EIF3F: variants seen among roughly 807,000 people sequenced by gnomAD.
The protein encoded by EIF3F is eukaryotic translation initiation factor 3 subunit F.
Under a neutral mutation model 36.0 loss-of-function variants are expected in EIF3F, and 8 were observed. The observed-to-expected ratio is 0.22, with a 90% confidence interval of 0.13 to 0.40. EIF3F has a LOEUF of 0.40. Among genes scored for constraint, EIF3F ranks in the 10% least tolerant of loss-of-function variants. The pLI is 1.00. For synonymous variants in EIF3F, 184 were observed against 188.5 expected, an observed-to-expected ratio of 0.98 and a Z score of 0.19; for missense variants, 430 against 467.6, an observed-to-expected ratio of 0.92 and a Z score of 0.74.
At chr11:7,994,229 A>C (rs1314523453) in intron 4 of EIF3F, among the ~76,000 whole-genome samples, 197 bp from the exon 5 acceptor site, 1 of 152,156 alleles carries the variant, frequency 6.6e-6, no homozygotes, top group East Asian at 1.9e-4. Flanking sequence ...CTTACAGATC[A>C]AGGGTTTGGT....
At position 8,000,404 on chromosome 11, in the gene EIF3F, G is replaced by C. The variant is rs116797622; in HGVS notation, c.*4382G>C. 2 of 151,906 alleles carry C rather than the reference G, an allele frequency of 1.3e-5. No homozygotes were observed. Among genetic ancestry groups the C allele is most frequent in the Non-Finnish European group, 1.5e-5 (1 of 67,990 alleles). 9.4% of individuals were successfully genotyped at this position (151,906 alleles called of 1,614,324 possible). On this transcript the variant is annotated 3_prime_UTR_variant, in exon 8 of 8. Coordinates refer to ENST00000651655, the MANE Select transcript of EIF3F (RefSeq NM_003754.3). ...AGGTGGTTTCATGGACTGGAGGGAG[G>C]GGATAAATGGGGAGATGTTGGTCAA...
chr11:7,987,392 A>C lies in EIF3F; in HGVS notation c.40A>C (p.Thr14Pro), dbSNP rs1353638614. 1 of 1,599,394 alleles carries C rather than the reference A, an allele frequency of 6.3e-7. No homozygotes were observed. Among genetic ancestry groups the C allele is most frequent in the South Asian group, 1.1e-5 (1 of 90,900 alleles). The change falls in exon 1 of 8, where the codon ACG becomes CCG. Residue 14 changes from threonine (T) to proline (P), a missense_variant. Coordinates refer to ENST00000651655, the MANE Select transcript of EIF3F (RefSeq NM_003754.3). ...PAVPVSAPPA[T>P]PTPVPAAAPA... Reference sequence around the variant, plus strand: ...GGTACCAGTAAGTGCTCCTCCGGCCACGCCAACCCCAGTCCCGGCGGCGGC... The same window carrying C: ...GGTACCAGTAAGTGCTCCTCCGGCCCCGCCAACCCCAGTCCCGGCGGCGGC...
In EIF3F at chr11:7,997,073, A is replaced by G. The variant is rs1363506657; in HGVS notation, c.*1051A>G. ...AAAGGTGAATAGTTTGAAAGTAATA[A>G]GCAACATGAACCCCAGCCTGGAACT... On this transcript the variant is annotated 3_prime_UTR_variant, in exon 8 of 8. Transcript: ENST00000651655. 1 of 152,236 alleles carries G rather than the reference A, an allele frequency of 6.6e-6. No individual in the cohort carries two copies. Among genetic ancestry groups the G allele is most frequent in the Admixed American group, 6.5e-5 (1 of 15,282 alleles). The allele number at this position is 152,236 out of a possible 1,614,324, so 9.4% of individuals were successfully genotyped here. A position where few individuals can be genotyped will look rare whatever the true frequency, so the allele number is the denominator to read the frequency against.
chr11:7,990,900 T>TAAATAAAA (rs1554914921), intron 1 of EIF3F, among the ~76,000 whole-genome samples: 13,178 of 136,382 alleles, frequency 0.097, 811 homozygotes, highest in East Asian at 0.25. Context: ...AATAAATAAA[T>TAAATAAAA]AAAAGAAATA....
At chr11:7,992,031 A>T in intron 2 of EIF3F, 53 bp from the exon 3 acceptor site, 3 of 1,592,562 alleles carry the variant, frequency 1.9e-6, no homozygotes, top group Non-Finnish European at 2.6e-6. Context: ...TTTTTAACCA[A>T]TTTTTCTTTG....
In EIF3F at chr11:7,996,045, G is replaced by A. The variant is rs1439302594; in HGVS notation, c.*23G>A. On this transcript the variant is annotated 3_prime_UTR_variant, in exon 8 of 8. Coordinates refer to ENST00000651655, the MANE Select transcript of EIF3F (RefSeq NM_003754.3). Reference sequence around the variant, plus strand: ...TGAATGGACCCCAAGCAGTACACTTGCTGGTCTAGGTATTAACCCCAGGAC... The same window carrying A: ...TGAATGGACCCCAAGCAGTACACTTACTGGTCTAGGTATTAACCCCAGGAC... 4 of 1,611,132 alleles carry A rather than the reference G, an allele frequency of 2.5e-6. No homozygotes were observed. Among genetic ancestry groups the A allele is most frequent in the Non-Finnish European group, 3.4e-6 (4 of 1,177,286 alleles).
At chr11:7,988,856 A>T (rs1160114855) in intron 1 of EIF3F, among the ~76,000 whole-genome samples, 1 of 152,236 alleles carries the variant, frequency 6.6e-6, no homozygotes, top group Non-Finnish European at 1.5e-5. Flanking sequence ...GCTGGCACAC[A>T]TTAGGTACAG....
chr11:7,993,782 A>G (rs1211464896), intron 4 of EIF3F, among the ~76,000 whole-genome samples: 1 of 152,110 alleles, frequency 6.6e-6, no homozygotes, highest in East Asian at 1.9e-4. Flanking sequence ...AGCACTAGCC[A>G]TTGCCTGACT....
intron 3 of EIF3F, 141 bp downstream of exon 3, chr11:7,992,304 T>G: frequency 1.3e-6 from 1 of 742,568 alleles, no homozygotes; most frequent in Non-Finnish European, 2.2e-6. Flanking sequence ...GAGCAGTGGC[T>G]CAATGCCTGT....
At position 7,991,697 on chromosome 11, in the gene EIF3F, A is replaced by T. The variant is rs752309213; in HGVS notation, c.365-84A>T. 2.4e-5 allele frequency: 31 copies of T among 1,299,118 alleles called. 1 individual carries two copies. Among genetic ancestry groups the T allele is most frequent in the Non-Finnish European group, 3.2e-5 (29 of 893,684 alleles). 80.5% of individuals were successfully genotyped at this position (1,299,118 alleles called of 1,614,324 possible). A position where few individuals can be genotyped will look rare whatever the true frequency, so the allele number is the denominator to read the frequency against. On this transcript the variant is annotated intron_variant, in intron 1 of 7. Coordinates refer to ENST00000651655, the MANE Select transcript of EIF3F (RefSeq NM_003754.3). Reference sequence around the variant, plus strand: ...TTAGGTGTTCATTGACATTGAAGAGATCATCAAAAGCATTTCAAAAGTAGT... The same window carrying T: ...TTAGGTGTTCATTGACATTGAAGAGTTCATCAAAAGCATTTCAAAAGTAGT...
chr11:7,989,501 A>T (rs1466219886), intron 1 of EIF3F, among the ~76,000 whole-genome samples: 6 of 152,214 alleles, frequency 3.9e-5, no homozygotes, highest in African/African-American at 1.4e-4. Context: ...TTCCTTAGAT[A>T]TACACAAAAC....
intron 3 of EIF3F, 80 bp downstream of exon 3, chr11:7,992,243 T>G (rs1759275840): frequency 1.6e-6 from 2 of 1,230,482 alleles, no homozygotes; most frequent in Admixed American, 2.0e-5. Context: ...GGACTGGATC[T>G]TATACTCTTC....
chr11:7,997,230 A>G lies in EIF3F; in HGVS notation c.*1208A>G, dbSNP rs1942170899. On this transcript the variant is annotated 3_prime_UTR_variant, in exon 8 of 8. Transcript: ENST00000651655. ...TCGGCAAAATGATAATGACAGGCCA[A>G]ATTGTTAAAGGTAGGTTAAAAGTAG... The G allele has an allele frequency of 6.6e-6, 1 of 152,214 alleles. No individual in the cohort carries two copies. Among genetic ancestry groups the G allele is most frequent in the Non-Finnish European group, 1.5e-5 (1 of 68,040 alleles). The allele number at this position is 152,214 out of a possible 1,614,324, so 9.4% of individuals were successfully genotyped here.
At chr11:7,990,514 A>G (rs897119097) in intron 1 of EIF3F, among the ~76,000 whole-genome samples, 1 of 152,208 alleles carries the variant, frequency 6.6e-6, no homozygotes, top group East Asian at 1.9e-4. Flanking sequence ...CAGAGACAAA[A>G]CCCTAAAAAC....
Position 7,994,524 on chromosome 11 carries a change from A to G in EIF3F, c.745+7A>G. 1.2e-6 allele frequency: 2 copies of G among 1,612,448 alleles called. No homozygotes were observed. The highest frequency in any genetic ancestry group is 1.7e-6 in the Non-Finnish European group (2 of 1,179,190). On this transcript the variant is annotated splice_region_variant and intron_variant, in intron 5 of 7. Transcript: ENST00000651655. ...GACACTGAACGCATCGGAGGTGAGT[A>G]ACCTTTCCATACACTCGCGAGAGGC...
At position 7,999,709 on chromosome 11, in the gene EIF3F, A is replaced by G. The variant is rs1029671174; in HGVS notation, c.*3687A>G. On this transcript the variant is annotated 3_prime_UTR_variant, in exon 8 of 8. Coordinates refer to ENST00000651655, the MANE Select transcript of EIF3F (RefSeq NM_003754.3). ...TATGGAGAAAAGGGAACCCTTTTACACTTGGTGTGAATGTAAATTAGTACA... is the reference window on the plus strand; with the variant it reads ...TATGGAGAAAAGGGAACCCTTTTACGCTTGGTGTGAATGTAAATTAGTACA... 6.6e-6 allele frequency: 1 copy of G among 152,242 alleles called. No homozygotes were observed. The highest frequency in any genetic ancestry group is 1.5e-5 in the Non-Finnish European group (1 of 68,038). The allele number at this position is 152,242 out of a possible 1,614,324, so 9.4% of individuals were successfully genotyped here.
intron 1 of EIF3F, 118 bp from the exon 2 acceptor site, chr11:7,991,663 T>A: frequency 9.3e-6 from 9 of 967,316 alleles, no homozygotes; most frequent in Non-Finnish European, 1.5e-5. Flanking sequence ...TTGGAGCTAA[T>A]GAGTTCAGTT....
intron 1 of EIF3F, chr11:7,988,019 A>G (rs1397493255): frequency 1.5e-5 from 4 of 272,360 alleles, no homozygotes; most frequent in Non-Finnish European, 2.7e-5. Flanking sequence ...AGTGGTTTAC[A>G]TTTTACATAA....
At position 7,995,035 on chromosome 11, in the gene EIF3F, A is replaced by G. The variant is rs199991205; in HGVS notation, c.799A>G (p.Ser267Gly). Residue 267 changes from serine (S) to glycine (G), a missense_variant, in exon 6 of 8, where the codon AGT (serine) becomes GGT (glycine). By Grantham distance (56) the Ser-to-Gly change is moderately conservative. Transcript: ENST00000651655. ...CCCCAACAGAGTGATTGGACTCTCA[A>G]GTGACTTGCAGCAAGTAGGAGGGGC... is the stretch of plus-strand genomic sequence containing the variant. ...FSPNRVIGLS[S>G]DLQQVGGASA... 2.0e-5 allele frequency: 32 copies of G among 1,613,932 alleles called. No homozygotes were observed. The Admixed American group carries it at 5.0e-4, about 25-fold the overall frequency.
Sources: allele counts gnomAD v4.1 joint callset (sites outside exome capture counted in the v4.1 genomes callset), GRCh38; gene constraint gnomAD v4.1.1; transcripts MANE v1.5; gene names NCBI Gene and HGNC (gene_info 2026-07-23, HGNC 2026-07-21).